The following PACS1 variants were observed in gnomAD, a reference collection of about 807,000 sequenced individuals.
PACS1 encodes PACS-1.
In PACS1, 24 loss-of-function variants were observed where a neutral mutation model predicts 115.0. That is an observed-to-expected ratio of 0.21 (90% CI 0.15 to 0.29). PACS1 has a LOEUF of 0.29. Among genes scored for constraint, PACS1 ranks in the 10% least tolerant of loss-of-function variants. PACS1 has a pLI of 1.00. For missense variants in PACS1, 838 were observed against 1,251.2 expected, an observed-to-expected ratio of 0.67 and a Z score of 4.98; for synonymous variants, 453 against 504.5, an observed-to-expected ratio of 0.90 and a Z score of 1.37.
At chr11:66,128,323 T>C (rs1354669381) in intron 1 of PACS1, among the ~76,000 whole-genome samples, 1 of 152,198 alleles carries the variant, frequency 6.6e-6, no homozygotes, top group Non-Finnish European at 1.5e-5. Context: ...TTAAAAAATT[T>C]GTTAGTTAAG....
chr11:66,141,508 G>T (rs184898740), intron 1 of PACS1, among the ~76,000 whole-genome samples: 114 of 152,176 alleles, frequency 7.5e-4, no homozygotes, highest in African/African-American at 2.7e-3. Flanking sequence ...ATAAAAATTA[G>T]GCGGGCATGG....
chr11:66,123,139 C>T (rs1271645423), intron 1 of PACS1, among the ~76,000 whole-genome samples: 5 of 151,948 alleles, frequency 3.3e-5, no homozygotes, highest in Admixed American at 1.3e-4. Context: ...AGGCAAGACC[C>T]TCCACCAGGA....
At chr11:66,200,811 A>G (rs914055929) in intron 2 of PACS1, among the ~76,000 whole-genome samples, 3 of 152,188 alleles carry the variant, frequency 2.0e-5, no homozygotes, top group Admixed American at 6.5e-5. Flanking sequence ...AGATATTTAC[A>G]GAACATTTCT....
In PACS1 at chr11:66,075,041, C is replaced by A. The variant is rs575889796; in HGVS notation, c.356+4199C>A. On this transcript the variant is annotated intron_variant, in intron 1 of 23. Transcript: ENST00000320580. ...CACTGCAAGCTCCGCCTCCCAGGTT[C>A]GCTCCATTCTCCTGCCTCAGCCTCC... is the stretch of plus-strand genomic sequence containing the variant. Among the ~76,000 whole-genome samples the A allele has an allele frequency of 2.2e-5, 3 of 136,802 alleles. No homozygotes were observed. The South Asian group carries it at 7.0e-4, about 32-fold the overall frequency. The allele number at this position is 136,802 out of a possible 152,430, so 89.7% of individuals were successfully genotyped here. A position where few individuals can be genotyped will look rare whatever the true frequency, so the allele number is the denominator to read the frequency against.
intron 1 of PACS1, among the ~76,000 whole-genome samples, chr11:66,086,197 G>A (rs1378232893): frequency 2.0e-5 from 3 of 150,236 alleles, no homozygotes; most frequent in Non-Finnish European, 4.4e-5. Context: ...GAGTGCAGTG[G>A]CGCGATCTCG....
At chr11:66,106,804 C>A (rs984501776) in intron 1 of PACS1, among the ~76,000 whole-genome samples, 2 of 152,014 alleles carry the variant, frequency 1.3e-5, no homozygotes, top group Non-Finnish European at 2.9e-5. Flanking sequence ...ACCTTAGTTT[C>A]TCCACATGCA....
chr11:66,241,722 G>T, intron 22 of PACS1, 69 bp downstream of exon 22: 1 of 1,264,856 alleles, frequency 7.9e-7, no homozygotes, highest in Admixed American at 1.9e-5. Flanking sequence ...CAGGGCCTGG[G>T]AATAAATCTG....
chr11:66,185,310 CTGAG>C (rs1317031906), intron 1 of PACS1, among the ~76,000 whole-genome samples: 2 of 152,160 alleles, frequency 1.3e-5, no homozygotes, highest in African/African-American at 4.8e-5. Flanking sequence ...TATTTCTCAG[CTGAG>C]TAACGTGGGA....
intron 1 of PACS1, among the ~76,000 whole-genome samples, chr11:66,184,419 T>G (rs1443506998): frequency 6.6e-6 from 1 of 151,940 alleles, no homozygotes; most frequent in Non-Finnish European, 1.5e-5. Context: ...TAGAAACAGC[T>G]GTTAAATGCA....
At chr11:66,165,641 T>C (rs1295104984) in intron 1 of PACS1, among the ~76,000 whole-genome samples, 3 of 152,148 alleles carry the variant, frequency 2.0e-5, no homozygotes, top group Non-Finnish European at 4.4e-5. Flanking sequence ...AGCACCACCA[T>C]CCATCCACCC....
intron 1 of PACS1, among the ~76,000 whole-genome samples, chr11:66,141,853 A>T (rs1430490903): frequency 6.6e-6 from 1 of 151,776 alleles, no homozygotes; most frequent in African/African-American, 2.4e-5. Flanking sequence ...GTCACCCAGA[A>T]TGGAGTGCAG....
chr11:66,167,333 CT>C (rs762768413), intron 1 of PACS1, among the ~76,000 whole-genome samples: 1 of 101,142 alleles, frequency 9.9e-6, no homozygotes, highest in African/African-American at 4.2e-5. Context: ...TTTGGCTTGT[CT>C]TTTTTTTTTT....
chr11:66,108,621 C>G (rs1331951946), intron 1 of PACS1, among the ~76,000 whole-genome samples: 1 of 151,978 alleles, frequency 6.6e-6, no homozygotes, highest in African/African-American at 2.4e-5. Flanking sequence ...GAAAATTAAC[C>G]AGACAGGGTG....
At chr11:66,158,874 A>G (rs1859422218) in intron 1 of PACS1, among the ~76,000 whole-genome samples, 1 of 152,194 alleles carries the variant, frequency 6.6e-6, no homozygotes, top group African/African-American at 2.4e-5. Context: ...GAGCTCACCC[A>G]GTGTCCAGAA....
At chr11:66,111,621 G>A (rs1858187473) in intron 1 of PACS1, among the ~76,000 whole-genome samples, 1 of 152,032 alleles carries the variant, frequency 6.6e-6, no homozygotes, top group Non-Finnish European at 1.5e-5. Context: ...CAGAAACCTA[G>A]GAATTATCCC....
chr11:66,137,921 G>T (rs946883610), intron 1 of PACS1, among the ~76,000 whole-genome samples: 6 of 151,894 alleles, frequency 4.0e-5, no homozygotes, highest in Non-Finnish European at 8.8e-5. Context: ...TAGTAGAGAC[G>T]GGGTTTCACC....
At chr11:66,231,889 G>A (rs1177826837) in intron 13 of PACS1, 4 of 325,992 alleles carry the variant, frequency 1.2e-5, no homozygotes, top group South Asian at 4.5e-5. Context: ...TCCCATCCGC[G>A]AGGCTTGCTG....
intron 1 of PACS1, among the ~76,000 whole-genome samples, chr11:66,162,822 C>T (rs576092707): frequency 1.1e-4 from 17 of 152,210 alleles, no homozygotes; most frequent in African/African-American, 3.6e-4. Context: ...ACCAAGTAAG[C>T]AATGTTAAAA....
chr11:66,111,675 GACTC>G (rs1048146233), intron 1 of PACS1, among the ~76,000 whole-genome samples: 1 of 151,654 alleles, frequency 6.6e-6, no homozygotes, highest in Non-Finnish European at 1.5e-5. Context: ...TTTTGTTTTT[GACTC>G]ACTCACTCTG....
Sources: allele counts gnomAD v4.1 joint callset (sites outside exome capture counted in the v4.1 genomes callset), GRCh38; gene constraint gnomAD v4.1.1; transcripts MANE v1.5; gene names NCBI Gene and HGNC (gene_info 2026-07-23, HGNC 2026-07-21).